Variants in PUM1 observed in about 807,000 individuals in gnomAD.
The protein encoded by PUM1 is pumilio RNA binding family member 1, also known as pumilio homolog 1.
A neutral mutation model predicts 131.8 loss-of-function variants in PUM1; 13 were observed. The ratio of observed to expected loss-of-function variants is 0.10; its 90% CI spans 0.06 to 0.16. The LOEUF (loss-of-function observed/expected upper bound fraction) is 0.16. Among genes scored for constraint, PUM1 ranks in the 10% least tolerant of loss-of-function variants. The pLI is 1.00. For synonymous variants in PUM1, 509 were observed against 556.5 expected (o/e 0.91, Z 1.20); for missense variants, 961 against 1,512.4 (o/e 0.64, Z 6.05).
chr1:30,936,631 A>T lies in PUM1; in HGVS notation c.3435+12T>A. ...GCACACTTTCTCTGAGACCCTGCCC[A>T]GCCCGGCCTACCTTATGCATGACGA... is the stretch of plus-strand genomic sequence containing the variant. On this transcript the variant is annotated intron_variant, in intron 21 of 21. Transcript: ENST00000426105. The T allele has an allele frequency of 6.2e-7, 1 of 1,608,624 alleles. No homozygotes were observed. Among genetic ancestry groups the T allele is most frequent in the Non-Finnish European group, 8.5e-7 (1 of 1,176,758 alleles).
rs374820659 is a variant in PUM1 at position 30,986,564 on chromosome 1, AT to A, written c.1159-5160del. Among the ~76,000 whole-genome samples, 485 of 151,756 alleles carry A rather than the reference AT, an allele frequency of 3.2e-3. 1 individual carries two copies. Among genetic ancestry groups the A allele is most frequent in the African/African-American group, 0.011 (449 of 41,312 alleles). On this transcript the variant is annotated intron_variant, in intron 7 of 21. Coordinates refer to ENST00000426105, the MANE Select transcript of PUM1 (RefSeq NM_001020658.2). ...CATGCTGCTAAACTAAAAAAAAAAA[AT>A]CATCATCATCATCATCTGTGCATTT...
chr1:31,065,653 C>T lies in PUM1; in HGVS notation c.-49G>A, dbSNP rs1475816859. 3 of 1,549,580 alleles carry T rather than the reference C, an allele frequency of 1.9e-6. No homozygotes were observed. Among genetic ancestry groups the T allele is most frequent in the Admixed American group, 3.9e-5 (2 of 50,966 alleles). On this transcript the variant is annotated 5_prime_UTR_variant, in exon 1 of 22. Transcript: ENST00000426105. ...AGGATGAAGATGGATTTCAGCCCCCCGATCTTCTCTCTCTGGCGCTCTCGC... is the reference window on the plus strand; with the variant it reads ...AGGATGAAGATGGATTTCAGCCCCCTGATCTTCTCTCTCTGGCGCTCTCGC...
intron 2 of PUM1, among the ~76,000 whole-genome samples, chr1:31,034,054 C>T (rs1643525856): frequency 6.6e-6 from 1 of 152,140 alleles, no homozygotes; most frequent in African/African-American, 2.4e-5. Context: ...ATTTTTCAAG[C>T]AGGTATTATT....
chr1:31,027,413 C>G (rs1643264771), intron 3 of PUM1, among the ~76,000 whole-genome samples: 1 of 152,198 alleles, frequency 6.6e-6, no homozygotes, highest in Admixed American at 6.5e-5. Context: ...AATATGTTAA[C>G]TTTCTGTTCA....
chr1:31,023,403 G>A (rs187910679), intron 3 of PUM1, among the ~76,000 whole-genome samples: 35 of 152,164 alleles, frequency 2.3e-4, no homozygotes, highest in Non-Finnish European at 1.5e-4. Context: ...TTAATTTAAG[G>A]TAGCCCTCCC....
Position 31,056,405 on chromosome 1 carries a change from C to T in PUM1, c.363+2799G>A, listed in dbSNP as rs147520029. ...AAGCGATTCTCCTGCCTCAGCCTCC[C>T]GAGGAGCTGGGATTACAGGTGTGCA... On this transcript the variant is annotated intron_variant, in intron 2 of 21. Coordinates refer to ENST00000426105, the MANE Select transcript of PUM1 (RefSeq NM_001020658.2). 4.5e-3 allele frequency among the ~76,000 whole-genome samples: 677 copies of T among 151,952 alleles called. 3 individuals carry two copies. Among genetic ancestry groups the T allele is most frequent in the African/African-American group, 0.015 (637 of 41,460 alleles).
intron 7 of PUM1, chr1:30,982,012 G>A (rs889987504): frequency 5.3e-5 from 8 of 152,198 alleles, no homozygotes; most frequent in Non-Finnish European, 1.2e-4. Context: ...TCCTCAACTA[G>A]TAGCTTATCC....
chr1:30,956,951 A>G (rs1356712392), intron 14 of PUM1, among the ~76,000 whole-genome samples: 2 of 152,172 alleles, frequency 1.3e-5, no homozygotes, highest in Non-Finnish European at 2.9e-5. Context: ...AAACATAATG[A>G]CTAATCCACA....
intron 5 of PUM1, among the ~76,000 whole-genome samples, chr1:30,999,798 C>T (rs761173493): frequency 2.0e-5 from 3 of 152,030 alleles, no homozygotes; most frequent in Non-Finnish European, 4.4e-5. Flanking sequence ...TAAAGATAAG[C>T]CATTTTACAC....
intron 15 of PUM1, among the ~76,000 whole-genome samples, 190 bp downstream of exon 15, chr1:30,953,524 C>A (rs1233352412): frequency 6.6e-6 from 1 of 152,100 alleles, no homozygotes; most frequent in Non-Finnish European, 1.5e-5. Flanking sequence ...TTAAAGCAGC[C>A]GAAGTGTATG....
At chr1:31,005,791 AAGAGAGAG>A (rs57530886) in intron 5 of PUM1, 54 bp downstream of exon 5, 64,914 of 1,245,646 alleles carry the variant, frequency 0.052, 48 homozygotes, top group South Asian at 0.081. Flanking sequence ...AGGGGAAAAA[AAGAGAGAG>A]AGAGAGAGAG....
chr1:31,008,315 G>C (rs555655652), intron 3 of PUM1, among the ~76,000 whole-genome samples: 2 of 152,054 alleles, frequency 1.3e-5, no homozygotes, highest in African/African-American at 4.8e-5. Flanking sequence ...CATGGACTTG[G>C]GTTACTGCCT....
At chr1:31,002,880 C>T (rs1417915346) in intron 5 of PUM1, among the ~76,000 whole-genome samples, 2 of 152,258 alleles carry the variant, frequency 1.3e-5, no homozygotes, top group East Asian at 3.9e-4. Context: ...TTTGTACAAT[C>T]AAAATGAATT....
intron 2 of PUM1, among the ~76,000 whole-genome samples, chr1:31,038,984 A>ATATTTTTTTTTTTTTTT: frequency 2.2e-4 from 11 of 49,416 alleles, no homozygotes; most frequent in African/African-American, 1.4e-3. Context: ...ATATATATAT[A>ATATTTTTTTTTTTTTTT]TTTTTTTTTT....
intron 6 of PUM1, among the ~76,000 whole-genome samples, chr1:30,994,381 T>C (rs1641911604): frequency 6.6e-6 from 1 of 152,312 alleles, no homozygotes; most frequent in South Asian, 2.1e-4. Flanking sequence ...CAAGGATTTT[T>C]ATAGATTTTT....
intron 14 of PUM1, among the ~76,000 whole-genome samples, chr1:30,963,671 T>G (rs1344552598): frequency 1.3e-5 from 2 of 152,222 alleles, no homozygotes; most frequent in African/African-American, 4.8e-5. Flanking sequence ...AGTTCTCACT[T>G]CTGAGTCCAT....
At chr1:31,037,020 G>A (rs1295911276) in intron 2 of PUM1, 1 of 165,714 alleles carries the variant, frequency 6.0e-6, no homozygotes, top group Non-Finnish European at 1.3e-5. Flanking sequence ...TTTGTGCTGA[G>A]AACAGATACC....
In PUM1 at chr1:31,065,714, C is replaced by T; in HGVS notation, c.-110G>A. 3 of 1,549,786 alleles carry T rather than the reference C, an allele frequency of 1.9e-6. No individual in the cohort carries two copies. Among genetic ancestry groups the T allele is most frequent in the Non-Finnish European group, 8.7e-7 (1 of 1,146,882 alleles). Reference sequence around the variant, plus strand: ...CTTTCACTCCGACAACATGGCGGCCCACTGGGGACTGGGTTGGCGCGGTGC... The same window carrying T: ...CTTTCACTCCGACAACATGGCGGCCTACTGGGGACTGGGTTGGCGCGGTGC... On this transcript the variant is annotated 5_prime_UTR_variant, in exon 1 of 22. Transcript: ENST00000426105.
Position 30,941,148 on chromosome 1 carries a change from T to C in PUM1, c.3242+3A>G. 6.2e-7 allele frequency: 1 copy of C among 1,612,872 alleles called. No individual in the cohort carries two copies. The highest frequency in any genetic ancestry group is 1.7e-4 in the Middle Eastern group (1 of 6,056). The stretch of plus-strand genomic sequence containing the variant: ...AATAGTCCTTGTAACTCAAAGCACG[T>C]ACCTTGCAAATTTGTGCTGACTCAA... On this transcript the variant is annotated splice_donor_region_variant and intron_variant, in intron 20 of 21. Coordinates refer to ENST00000426105, the MANE Select transcript of PUM1 (RefSeq NM_001020658.2).
Sources: gnomAD v4.1 joint callset for allele counts (sites outside exome capture counted in the v4.1 genomes callset) on GRCh38, gnomAD v4.1.1 for gene constraint, MANE v1.5 for transcripts, NCBI Gene and HGNC (gene_info 2026-07-23, HGNC 2026-07-21) for gene names.